The following PITHD1 variants were observed in gnomAD, a reference collection of about 807,000 sequenced individuals.
PITHD1 encodes PITH domain-containing protein 1.
A neutral mutation model predicts 27.5 loss-of-function variants in PITHD1; 8 were observed. The observed-to-expected ratio is 0.29, with a 90% CI of 0.17 to 0.52. PITHD1 has a LOEUF of 0.52. PITHD1 is among the 20% of genes least tolerant of loss of function. PITHD1 has a pLI of 0.96. For missense variants in PITHD1, 233 were observed against 283.9 expected (o/e 0.82, Z 1.29); for synonymous variants, 118 against 106.8 (o/e 1.10, Z -0.64).
At position 23,787,615 on chromosome 1, in the gene PITHD1, C is replaced by T; in HGVS notation, c.*239C>T. The T allele has an allele frequency of 3.2e-6, 1 of 314,152 alleles. No homozygotes were observed. Among genetic ancestry groups the T allele is most frequent in the Non-Finnish European group, 5.9e-6 (1 of 170,598 alleles). 19.5% of individuals were successfully genotyped at this position (314,152 alleles called of 1,614,324 possible). A position where few individuals can be genotyped will look rare whatever the true frequency, so the allele number is the denominator to read the frequency against. On this transcript the variant is annotated 3_prime_UTR_variant, in exon 6 of 6. Transcript: ENST00000246151. ...GGCGCTGTGGAAATTGGGTCTTGGG[C>T]TGGGTGGCATCTGGCAGTCATGGGT...
chr1:23,780,833 C>T (rs1278722387), intron 3 of PITHD1, among the ~76,000 whole-genome samples: 7 of 151,348 alleles, frequency 4.6e-5, no homozygotes, highest in African/African-American at 1.5e-4. Context: ...CGAGATCTCG[C>T]CACTGCACTC....
chr1:23,786,260 G>GA, intron 4 of PITHD1, 55 bp from the exon 5 acceptor site: 1 of 756,774 alleles, frequency 1.3e-6, no homozygotes, highest in Non-Finnish European at 2.3e-6. Flanking sequence ...ATGGTGGTGA[G>GA]ATACTCATTG....
Position 23,785,675 on chromosome 1 carries a change from G to C in PITHD1, c.321G>C (p.Leu107=), listed in dbSNP as rs566387902. ...DDDSHPSEMR[L]YKNIPQMSFD... ...ACTTTTCTTTCCTTTCCTTTCTCAG[G>C]TACAAGAATATTCCACAGATGTCCT... is the stretch of plus-strand genomic sequence containing the variant. The change falls in exon 4 of 6, where the codon CTG becomes CTC. Residue 107 remains leucine (L), a splice_region_variant and synonymous_variant. Coordinates refer to ENST00000246151, the MANE Select transcript of PITHD1 (RefSeq NM_020362.5). 5.1e-5 allele frequency: 81 copies of C among 1,581,314 alleles called. No homozygotes were observed. Among genetic ancestry groups the C allele is most frequent in the Non-Finnish European group, 7.0e-5 (81 of 1,150,946 alleles).
intron 3 of PITHD1, among the ~76,000 whole-genome samples, chr1:23,783,593 AGGTACACAC>A (rs1238112086): frequency 1.3e-5 from 2 of 151,778 alleles, no homozygotes; most frequent in African/African-American, 2.4e-5. Flanking sequence ...CTGGGATTAC[AGGTACACAC>A]CACCAGGCCT....
chr1:23,782,212 AGTTCAAGACC>A (rs1303222036), intron 3 of PITHD1, among the ~76,000 whole-genome samples: 3 of 152,040 alleles, frequency 2.0e-5, no homozygotes, highest in Admixed American at 2.0e-4. Flanking sequence ...TGAGGTCAGG[AGTTCAAGACC>A]AGCCTGGCCA....
chr1:23,786,828 G>C (rs1177961633), intron 5 of PITHD1, among the ~76,000 whole-genome samples: 1 of 151,978 alleles, frequency 6.6e-6, no homozygotes, highest in Non-Finnish European at 1.5e-5. Context: ...CTGACCTCAG[G>C]TGATCTGCCC....
intron 1 of PITHD1, 73 bp from the exon 2 acceptor site, chr1:23,779,364 TG>T: frequency 8.9e-7 from 1 of 1,124,814 alleles, no homozygotes. Context: ...TAGAGCAGGG[TG>T]GGAGATGCCT....
intron 3 of PITHD1, among the ~76,000 whole-genome samples, chr1:23,782,254 A>G (rs1426702265): frequency 2.6e-5 from 4 of 151,984 alleles, no homozygotes; most frequent in Non-Finnish European, 4.4e-5. Context: ...CCCTGTCTCT[A>G]CTAAAAACAC....
intron 3 of PITHD1, among the ~76,000 whole-genome samples, chr1:23,784,241 T>TTC (rs1487025228): frequency 1.4e-3 from 189 of 137,848 alleles, no homozygotes; most frequent in Middle Eastern, 3.6e-3. Flanking sequence ...TTTCTTTTTT[T>TTC]TTTTTTTTTT....
At position 23,786,309 on chromosome 1, in the gene PITHD1, C is replaced by T. The variant is rs778704478; in HGVS notation, c.426-6C>T. 1 of 1,327,960 alleles carries T rather than the reference C, an allele frequency of 7.5e-7. No individual in the cohort carries two copies. Among genetic ancestry groups the T allele is most frequent in the African/African-American group, 1.4e-5 (1 of 69,600 alleles). 82.3% of individuals were successfully genotyped at this position (1,327,960 alleles called of 1,614,324 possible). On this transcript the variant is annotated splice_region_variant and splice_polypyrimidine_tract_variant and intron_variant, in intron 4 of 5. Transcript: ENST00000246151. ...ACCTTCTTTCCCTATTCCTGTCATC[C>T]TCTAGAATTTCTCGTTTTTCAAATG...
chr1:23,779,299 T>C, intron 1 of PITHD1, 139 bp from the exon 2 acceptor site: 1 of 693,994 alleles, frequency 1.4e-6, no homozygotes, highest in Non-Finnish European at 2.6e-6. Context: ...TAGCTTCAAG[T>C]TAATAAGTCT....
chr1:23,786,525 T>C (rs1638687460), intron 5 of PITHD1, 102 bp downstream of exon 5: 1 of 432,600 alleles, frequency 2.3e-6, no homozygotes, highest in Middle Eastern at 3.2e-4. Flanking sequence ...TCATAATTAC[T>C]CCCAGTTTAT....
rs1010380818 is a variant in PITHD1, at chr1:23,787,196, AG to A, written c.535-77del. On this transcript the variant is annotated intron_variant, in intron 5 of 5. Coordinates refer to ENST00000246151, the MANE Select transcript of PITHD1 (RefSeq NM_020362.5). ...TGACTCCTAGAAATGAACCTGAATAAGGACTACCGCAATGTGTGTGGTGTGG... is the reference window on the plus strand; with the variant it reads ...TGACTCCTAGAAATGAACCTGAATAAGACTACCGCAATGTGTGTGGTGTGG... The A allele has an allele frequency of 4.8e-6, 4 of 835,608 alleles. No individual in the cohort carries two copies. The African/African-American group carries it at 6.7e-5, about 14-fold the overall frequency. 51.8% of individuals were successfully genotyped at this position (835,608 alleles called of 1,614,324 possible).
chr1:23,783,738 A>G (rs1347691997), intron 3 of PITHD1, among the ~76,000 whole-genome samples: 1 of 152,092 alleles, frequency 6.6e-6, no homozygotes. Context: ...TACAGGCGTG[A>G]GCCACCACGC....
intron 3 of PITHD1, among the ~76,000 whole-genome samples, chr1:23,783,779 A>G (rs1487865659): frequency 1.3e-5 from 2 of 152,058 alleles, no homozygotes; most frequent in African/African-American, 2.4e-5. Flanking sequence ...TATAGGTGAA[A>G]TGATGTGTCT....
chr1:23,781,016 C>T (rs954521063), intron 3 of PITHD1, among the ~76,000 whole-genome samples: 3 of 151,706 alleles, frequency 2.0e-5, no homozygotes, highest in Admixed American at 6.6e-5. Context: ...GCTGAAACCC[C>T]GTCTCTACTA....
chr1:23,786,277 A>AT (rs1221878609), intron 4 of PITHD1, 38 bp from the exon 5 acceptor site: 3 of 944,974 alleles, frequency 3.2e-6, no homozygotes, highest in Non-Finnish European at 5.1e-6. Flanking sequence ...ATTGAACTAT[A>AT]ATTCATACCT....
chr1:23,779,999 A>AT, intron 3 of PITHD1, 58 bp downstream of exon 3: 1 of 1,063,564 alleles, frequency 9.4e-7, no homozygotes. Flanking sequence ...TTCTGGTAAC[A>AT]TTTTATTCCA....
At chr1:23,779,687 G>A in intron 2 of PITHD1, 177 bp from the exon 3 acceptor site, 1 of 655,422 alleles carries the variant, frequency 1.5e-6, no homozygotes, top group Non-Finnish European at 2.7e-6. Flanking sequence ...AGAAATTGAG[G>A]TAGATTTCTT....
Sources: gnomAD v4.1 joint callset for allele counts (sites outside exome capture counted in the v4.1 genomes callset) on GRCh38, gnomAD v4.1.1 for gene constraint, MANE v1.5 for transcripts, NCBI Gene and HGNC (gene_info 2026-07-23, HGNC 2026-07-21) for gene names.